Variants in NOX4 observed in about 807,000 individuals in gnomAD.
NOX4 encodes NADPH oxidase 4, also known as kidney oxidase-1.
In NOX4, 69 loss-of-function variants were observed where a neutral mutation model predicts 87.6. The observed-to-expected ratio is 0.79, with a 90% confidence interval of 0.65 to 0.96. The LOEUF (loss-of-function observed/expected upper bound fraction) is 0.96, where lower values mean the gene tolerates loss of function less well. NOX4 is among the 40% of genes least tolerant of loss of function. NOX4 has a pLI of 0.00. For missense variants in NOX4, 680 were observed against 681.5 expected (o/e 1.00, Z 0.02); for synonymous variants, 275 against 238.2 (o/e 1.15, Z -1.42).
chr11:89,337,827 T>A (rs1270377512), intron 15 of NOX4, among the ~76,000 whole-genome samples: 2 of 152,100 alleles, frequency 1.3e-5, no homozygotes, highest in African/African-American at 4.8e-5. Flanking sequence ...TCTGAAATAC[T>A]CCTTATTTTA....
At chr11:89,332,739 A>G (rs1201892068) in intron 17 of NOX4, among the ~76,000 whole-genome samples, 1 of 151,904 alleles carries the variant, frequency 6.6e-6, no homozygotes, top group Non-Finnish European at 1.5e-5. Context: ...ACTTGCAGTC[A>G]GGAGACTTGT....
At chr11:89,517,690 C>T in the NOX4 span, among the ~76,000 whole-genome samples, 18 of 151,604 alleles carry the variant, frequency 1.2e-4, no homozygotes, top group African/African-American at 3.9e-4. Flanking sequence ...ACTATGTTAC[C>T]CATGCTGGTC....
chr11:89,381,647 G>A (rs1419088493), intron 11 of NOX4, among the ~76,000 whole-genome samples: 3 of 152,148 alleles, frequency 2.0e-5, no homozygotes, highest in Non-Finnish European at 4.4e-5. Flanking sequence ...CTGTTTGGTG[G>A]TCTTTTCACG....
At chr11:89,415,731 T>C (rs1271071880) in intron 8 of NOX4, among the ~76,000 whole-genome samples, 2 of 152,094 alleles carry the variant, frequency 1.3e-5, no homozygotes, top group East Asian at 1.9e-4. Context: ...AATTTTGTGA[T>C]AGAAGTAATG....
At chr11:89,456,302 G>A (rs1945195630) in intron 2 of NOX4, among the ~76,000 whole-genome samples, 1 of 152,020 alleles carries the variant, frequency 6.6e-6, no homozygotes, top group Admixed American at 6.6e-5. Flanking sequence ...TAAATAATAA[G>A]TACATTTAGA....
chr11:89,552,960 T>A, the NOX4 span, among the ~76,000 whole-genome samples: 1 of 152,098 alleles, frequency 6.6e-6, no homozygotes, highest in African/African-American at 2.4e-5. Context: ...ACATTTTCAT[T>A]CAAGTCAAGC....
Position 89,402,353 on chromosome 11 carries a change from C to A in NOX4, c.819G>T (p.Glu273Asp). Residue 273 changes from glutamate (E) to aspartate (D), a missense_variant, in exon 9 of 18, where the codon GAG becomes GAT. By Grantham distance (45) the Glu-to-Asp change is conservative. Coordinates refer to ENST00000263317, the MANE Select transcript of NOX4 (RefSeq NM_016931.5). ...QHKFVKICME[E>D]PRFQANFPQT... ...GTGGAAAATTAGCTTGGAATCTGGG[C>A]TCTTCCATACAAATCTTCACAAATT... 1 of 1,612,946 alleles carries A rather than the reference C, an allele frequency of 6.2e-7. No individual in the cohort carries two copies. The highest frequency in any genetic ancestry group is 8.5e-7 in the Non-Finnish European group (1 of 1,179,480).
At chr11:89,357,357 T>C (rs1401095637) in intron 12 of NOX4, among the ~76,000 whole-genome samples, 2 of 152,154 alleles carry the variant, frequency 1.3e-5, no homozygotes, top group Admixed American at 6.6e-5. Context: ...TATACTCTTT[T>C]AGTTCACATT....
At chr11:89,439,993 T>C (rs1406317261) in intron 6 of NOX4, among the ~76,000 whole-genome samples, 1 of 152,206 alleles carries the variant, frequency 6.6e-6, no homozygotes, top group African/African-American at 2.4e-5. Flanking sequence ...GTGCTTGGTG[T>C]TCCTTTCCAA....
chr11:89,356,774 C>T (rs1206890798), intron 12 of NOX4, among the ~76,000 whole-genome samples: 1 of 152,046 alleles, frequency 6.6e-6, no homozygotes, highest in African/African-American at 2.4e-5. Context: ...AGAACATTAT[C>T]TGATACATAA....
At chr11:89,449,672 A>C in intron 3 of NOX4, 148 bp from the exon 4 acceptor site, 1 of 576,266 alleles carries the variant, frequency 1.7e-6, no homozygotes, top group Non-Finnish European at 3.0e-6. Flanking sequence ...TGATCTATCT[A>C]GTTAATGGGA....
intron 8 of NOX4, among the ~76,000 whole-genome samples, chr11:89,419,819 T>C (rs1298110192): frequency 1.3e-5 from 2 of 152,020 alleles, no homozygotes; most frequent in Non-Finnish European, 2.9e-5. Flanking sequence ...CTGTTTGAAA[T>C]GCTGATCCTT....
intron 8 of NOX4, among the ~76,000 whole-genome samples, chr11:89,419,608 A>T (rs556668807): frequency 1.1e-3 from 170 of 152,046 alleles, no homozygotes; most frequent in African/African-American, 3.9e-3. Flanking sequence ...TATAATGAAT[A>T]AATACATATT....
At chr11:89,508,706 C>G in the NOX4 span, among the ~76,000 whole-genome samples, 1 of 152,016 alleles carries the variant, frequency 6.6e-6, no homozygotes, top group African/African-American at 2.4e-5. Context: ...CTACAATCTC[C>G]CCGGCACCAG....
the NOX4 span, among the ~76,000 whole-genome samples, chr11:89,575,323 AT>A: frequency 2.0e-5 from 3 of 152,266 alleles, no homozygotes; most frequent in African/African-American, 7.2e-5. Context: ...CCAAATAATT[AT>A]TTTTTTGTGT....
At chr11:89,529,133 A>T in the NOX4 span, among the ~76,000 whole-genome samples, 1 of 152,142 alleles carries the variant, frequency 6.6e-6, no homozygotes, top group African/African-American at 2.4e-5. Context: ...TTGACTTTTG[A>T]GGGGTAGTAA....
At chr11:89,475,081 G>C (rs186959120) in intron 2 of NOX4, among the ~76,000 whole-genome samples, 100 of 151,846 alleles carry the variant, frequency 6.6e-4, no homozygotes, top group African/African-American at 2.3e-3. Context: ...TATGCTTAAG[G>C]AGTTTGTGAT....
At chr11:89,468,709 C>G (rs1352556880) in intron 2 of NOX4, among the ~76,000 whole-genome samples, 2 of 151,726 alleles carry the variant, frequency 1.3e-5, no homozygotes, top group African/African-American at 4.8e-5. Flanking sequence ...TATATTTTTC[C>G]CTCTCATCTT....
chr11:89,434,986 A>T (rs917292283), intron 6 of NOX4, among the ~76,000 whole-genome samples: 4 of 152,058 alleles, frequency 2.6e-5, no homozygotes, highest in Admixed American at 6.6e-5. Flanking sequence ...TGCGTTATAA[A>T]AGAGCACAAA....
Sources: gnomAD v4.1 joint callset for allele counts (sites outside exome capture counted in the v4.1 genomes callset) on GRCh38, gnomAD v4.1.1 for gene constraint, MANE v1.5 for transcripts, NCBI Gene and HGNC (gene_info 2026-07-23, HGNC 2026-07-21) for gene names.